CAST: variants seen among roughly 807,000 people sequenced by gnomAD.
CAST encodes the protein calpastatin, also known as MIR583 host.
In CAST, 76 loss-of-function variants were observed where a neutral mutation model predicts 119.6. The ratio of observed to expected loss-of-function variants is 0.64; its 90% CI spans 0.53 to 0.77. The LOEUF is 0.77. Among genes scored for constraint, CAST ranks in the 30% least tolerant of loss-of-function variants. The pLI is 0.00. For synonymous variants in CAST, 319 were observed against 331.6 expected (o/e 0.96, Z 0.41); for missense variants, 953 against 946.5 (o/e 1.01, Z -0.09).
chr5:96,425,067 A>AGAAAGAAAGAAAGAAG, the CAST span, among the ~76,000 whole-genome samples: 5 of 146,984 alleles, frequency 3.4e-5, no homozygotes, highest in Admixed American at 3.4e-4. Context: ...AAAGAAAGAA[A>AGAAAGAAAGAAAGAAG]GAAAGAAAAC....
intron 15 of CAST, chr5:96,742,039 A>ATG (rs891375668): frequency 6.1e-6 from 1 of 164,486 alleles, no homozygotes; most frequent in Admixed American, 5.8e-5. Context: ...CTGGGAACAC[A>ATG]TGTCTCCTCT....
the CAST span, among the ~76,000 whole-genome samples, chr5:96,381,635 G>A: frequency 1.3e-5 from 2 of 152,128 alleles, no homozygotes; most frequent in African/African-American, 2.4e-5. Context: ...TGAGTATTTC[G>A]CTCATGTGTG....
the CAST span, among the ~76,000 whole-genome samples, chr5:96,264,350 C>T: frequency 1.3e-5 from 2 of 152,326 alleles, no homozygotes; most frequent in South Asian, 2.1e-4. Flanking sequence ...TATCACCATA[C>T]TTAATAACCC....
At chr5:95,961,568 C>T in the CAST span, 1 of 1,579,690 alleles carries the variant, frequency 6.3e-7, no homozygotes, top group South Asian at 1.1e-5. Context: ...CCGGCCGGCC[C>T]GCTCACCTTG....
chr5:96,035,853 A>T, the CAST span, among the ~76,000 whole-genome samples: 2,342 of 151,874 alleles, frequency 0.015, 76 homozygotes, highest in African/African-American at 0.052. Flanking sequence ...AGTATGTAGG[A>T]TGTGCGCACT....
the CAST span, among the ~76,000 whole-genome samples, chr5:96,052,737 G>A: frequency 1.7e-3 from 266 of 152,322 alleles, 1 homozygote; most frequent in African/African-American, 6.1e-3. Context: ...TGGAAGAATA[G>A]CTGTAGTTGT....
At chr5:96,225,019 C>A in the CAST span, among the ~76,000 whole-genome samples, 3 of 152,134 alleles carry the variant, frequency 2.0e-5, no homozygotes, top group South Asian at 2.1e-4. Context: ...GAAGGCCCAC[C>A]CATCATGTTG....
chr5:96,447,854 T>C, the CAST span, among the ~76,000 whole-genome samples: 2 of 152,128 alleles, frequency 1.3e-5, no homozygotes, highest in Non-Finnish European at 2.9e-5. Context: ...GCTCTAATGC[T>C]GTCCACTGTG....
At chr5:96,305,318 T>A in the CAST span, among the ~76,000 whole-genome samples, 1 of 152,262 alleles carries the variant, frequency 6.6e-6, no homozygotes, top group African/African-American at 2.4e-5. Flanking sequence ...CCTGAGACTT[T>A]GCTGAAGTTG....
upstream of CAST, among the ~76,000 whole-genome samples, chr5:96,525,750 A>C (rs2150176119): frequency 6.6e-6 from 1 of 152,326 alleles, no homozygotes; most frequent in Non-Finnish European, 1.5e-5. Flanking sequence ...ACCAAACAAC[A>C]ACAAAAAAAC....
the CAST span, among the ~76,000 whole-genome samples, chr5:96,472,641 CT>C: frequency 1.6e-4 from 25 of 152,308 alleles, no homozygotes; most frequent in African/African-American, 6.0e-4. Context: ...CAATTGTTTC[CT>C]CACAAAGCAG....
the CAST span, chr5:96,213,442 G>A: frequency 6.6e-6 from 1 of 151,988 alleles, no homozygotes; most frequent in Non-Finnish European, 1.5e-5. Context: ...ATTAACTAAT[G>A]CATACACAGT....
intron 1 of CAST, among the ~76,000 whole-genome samples, chr5:96,643,513 G>A (rs1274969420): frequency 6.6e-6 from 1 of 152,042 alleles, no homozygotes; most frequent in African/African-American, 2.4e-5. Flanking sequence ...CATGACAGGT[G>A]GAACATCTGA....
chr5:96,702,368 C>G (rs555818394), intron 3 of CAST, among the ~76,000 whole-genome samples: 66 of 152,082 alleles, frequency 4.3e-4, no homozygotes, highest in Non-Finnish European at 9.0e-4. Context: ...TTGTAATATA[C>G]TATAATATAA....
At chr5:96,030,218 A>T in the CAST span, among the ~76,000 whole-genome samples, 1 of 152,214 alleles carries the variant, frequency 6.6e-6, no homozygotes, top group Non-Finnish European at 1.5e-5. Flanking sequence ...AGAAATGTGA[A>T]ACCAACAGCC....
intron 3 of CAST, 52 bp from the exon 4 acceptor site, chr5:96,722,587 A>G (rs1356703761): frequency 2.1e-5 from 28 of 1,337,542 alleles, no homozygotes; most frequent in Non-Finnish European, 2.8e-5. Flanking sequence ...AGGACCATGT[A>G]GATTGTAGGT....
chr5:96,773,865 T>G lies in CAST; in HGVS notation c.*1249T>G, dbSNP rs901878359. 2.0e-5 allele frequency: 3 copies of G among 152,294 alleles called. No individual in the cohort carries two copies. The highest frequency in any genetic ancestry group is 6.5e-5 in the Admixed American group (1 of 15,278). 9.4% of individuals were successfully genotyped at this position (152,294 alleles called of 1,614,324 possible). ...AGGGCATGGCCTTCCTTAGCATCAG[T>G]TTGAAGCTTTTGTTATGACTTAGCT... On this transcript the variant is annotated 3_prime_UTR_variant, in exon 32 of 32. Transcript: ENST00000675179.
the CAST span, among the ~76,000 whole-genome samples, chr5:96,241,317 G>T: frequency 6.7e-6 from 1 of 150,178 alleles, no homozygotes; most frequent in Admixed American, 6.7e-5. Flanking sequence ...GCGGTGTTTG[G>T]TTTTTTGTTC....
At chr5:96,741,084 TAATACTC>T in intron 13 of CAST, 175 bp from the exon 14 acceptor site, 1 of 598,242 alleles carries the variant, frequency 1.7e-6, no homozygotes, top group South Asian at 2.1e-5. Flanking sequence ...AAGTGGAAAA[TAATACTC>T]AATGAGTAGC....
Sources: gnomAD v4.1 joint callset for allele counts (sites outside exome capture counted in the v4.1 genomes callset) on GRCh38, gnomAD v4.1.1 for gene constraint, MANE v1.5 for transcripts, NCBI Gene and HGNC (gene_info 2026-07-23, HGNC 2026-07-21) for gene names.